The following CENPP variants were observed in gnomAD, a reference collection of about 807,000 sequenced individuals.
CENPP encodes centromere protein P.
In CENPP, 24 loss-of-function variants were observed where a neutral mutation model predicts 35.6. The ratio of observed to expected loss-of-function variants is 0.67; its 90% confidence interval spans 0.49 to 0.95. The LOEUF is 0.95. CENPP is among the 40% of genes least tolerant of loss of function. The pLI is 0.00. For synonymous variants in CENPP, 120 were observed against 125.5 expected (o/e 0.96, Z 0.29); for missense variants, 332 against 345.3 (o/e 0.96, Z 0.31).
chr9:92,333,078 G>T (rs538097633), intron 2 of CENPP, among the ~76,000 whole-genome samples: 1 of 152,288 alleles, frequency 6.6e-6, no homozygotes, highest in East Asian at 1.9e-4. Context: ...ACCTTTTGCT[G>T]GAAGGAAGGT....
chr9:92,590,415 T>C (rs1850638253), intron 5 of CENPP, among the ~76,000 whole-genome samples: 1 of 152,230 alleles, frequency 6.6e-6, no homozygotes, highest in Non-Finnish European at 1.5e-5. Context: ...TTTAAAACAG[T>C]GTAGAATTCG....
intron 5 of CENPP, chr9:92,415,353 A>G: frequency 6.2e-7 from 1 of 1,613,534 alleles, no homozygotes; most frequent in Non-Finnish European, 8.5e-7. Flanking sequence ...TGTGTATATG[A>G]GGGAAGCAGA....
chr9:92,511,988 G>C (rs1277700211), intron 5 of CENPP: 1 of 1,556,818 alleles, frequency 6.4e-7, no homozygotes, highest in Non-Finnish European at 8.8e-7. Flanking sequence ...CATCCAAATA[G>C]ACAAATCAGA....
chr9:92,434,690 T>C (rs1844203664), intron 5 of CENPP, among the ~76,000 whole-genome samples: 1 of 152,002 alleles, frequency 6.6e-6, no homozygotes, highest in South Asian at 2.1e-4. Flanking sequence ...AAAAAAGAAA[T>C]TGTTAAATTT....
chr9:92,361,562 C>T (rs777232857), intron 4 of CENPP, among the ~76,000 whole-genome samples: 4 of 151,836 alleles, frequency 2.6e-5, no homozygotes, highest in East Asian at 1.9e-4. Context: ...TCACTGCAAC[C>T]TCCGCTCCCC....
At chr9:92,446,592 G>C (rs1292523891) in intron 5 of CENPP, among the ~76,000 whole-genome samples, 1 of 152,050 alleles carries the variant, frequency 6.6e-6, no homozygotes, top group Non-Finnish European at 1.5e-5. Flanking sequence ...GTGTTCCTAA[G>C]GTGTGAATAA....
chr9:92,454,369 C>T (rs1203859108), intron 5 of CENPP, among the ~76,000 whole-genome samples: 1 of 152,164 alleles, frequency 6.6e-6, no homozygotes, highest in Non-Finnish European at 1.5e-5. Context: ...CTCCACTATT[C>T]AGATCATAGA....
At chr9:92,470,700 T>C in intron 5 of CENPP, 1 of 1,579,688 alleles carries the variant, frequency 6.3e-7, no homozygotes, top group Non-Finnish European at 8.6e-7. Flanking sequence ...AAAATCATTT[T>C]CTTTGATTTC....
chr9:92,566,469 T>A (rs1014018359), intron 5 of CENPP, among the ~76,000 whole-genome samples: 8 of 152,088 alleles, frequency 5.3e-5, no homozygotes, highest in African/African-American at 1.9e-4. Flanking sequence ...ACTAAAGATC[T>A]GGAGAAAGTC....
chr9:92,542,803 C>T (rs931229898), intron 5 of CENPP, among the ~76,000 whole-genome samples: 6 of 152,130 alleles, frequency 3.9e-5, no homozygotes, highest in South Asian at 2.1e-4. Flanking sequence ...TGAGCCACTG[C>T]GCCCGGCCCC....
At chr9:92,362,023 T>C (rs1841766918) in intron 4 of CENPP, among the ~76,000 whole-genome samples, 1 of 151,970 alleles carries the variant, frequency 6.6e-6, no homozygotes, top group African/African-American at 2.4e-5. Context: ...CAAGACTCCA[T>C]CATAAAATAA....
chr9:92,595,589 G>A (rs1485669941), intron 5 of CENPP, among the ~76,000 whole-genome samples: 3 of 147,760 alleles, frequency 2.0e-5, no homozygotes, highest in Non-Finnish European at 1.5e-5. Flanking sequence ...TTTTTTTCAT[G>A]GAGTCTCGCT....
intron 5 of CENPP, among the ~76,000 whole-genome samples, chr9:92,468,319 G>A (rs760558572): frequency 6.6e-6 from 1 of 152,222 alleles, no homozygotes; most frequent in Non-Finnish European, 1.5e-5. Flanking sequence ...ATGGTGAGCT[G>A]GCTGAGTGAT....
At chr9:92,443,283 C>T (rs988746238) in intron 5 of CENPP, among the ~76,000 whole-genome samples, 2 of 151,998 alleles carry the variant, frequency 1.3e-5, no homozygotes, top group Admixed American at 1.3e-4. Flanking sequence ...ATAAAAATAT[C>T]AATTTTTACC....
At chr9:92,325,616 TAA>T (rs1840415901), upstream of CENPP, 1 of 202,868 alleles carries the variant, frequency 4.9e-6, no homozygotes, top group African/African-American at 2.4e-5. Flanking sequence ...GTGAAAAAAA[TAA>T]AGAGGCGCTC....
chr9:92,491,013 G>C (rs562759348), intron 5 of CENPP, among the ~76,000 whole-genome samples: 14 of 152,032 alleles, frequency 9.2e-5, no homozygotes, highest in Non-Finnish European at 1.9e-4. Flanking sequence ...GGGAGATAAA[G>C]GAGATGGAAC....
At chr9:92,611,063 G>T in intron 5 of CENPP, 1 of 574,518 alleles carries the variant, frequency 1.7e-6, no homozygotes, top group Non-Finnish European at 3.1e-6. Context: ...GAATACAGCT[G>T]TAGGGAGGTT....
At chr9:92,526,210 C>T (rs898396769) in intron 5 of CENPP, among the ~76,000 whole-genome samples, 3 of 151,798 alleles carry the variant, frequency 2.0e-5, no homozygotes, top group African/African-American at 4.8e-5. Flanking sequence ...TAGGCTAATG[C>T]GTGTTTGTCT....
chr9:92,532,638 T>C (rs1411811872), intron 5 of CENPP, among the ~76,000 whole-genome samples: 1 of 152,210 alleles, frequency 6.6e-6, no homozygotes, highest in African/African-American at 2.4e-5. Context: ...ATCCATTGAC[T>C]TCCTTGTTCT....
Sources: allele counts gnomAD v4.1 joint callset (sites outside exome capture counted in the v4.1 genomes callset), GRCh38; gene constraint gnomAD v4.1.1; transcripts MANE v1.5; gene names NCBI Gene and HGNC (gene_info 2026-07-23, HGNC 2026-07-21).